The following PIGN variants were observed in gnomAD, a reference collection of about 807,000 sequenced individuals.
PIGN encodes phosphatidylinositol glycan anchor biosynthesis class N.
PIGN carries 117 observed loss-of-function variants against 125.4 expected under a neutral mutation model. The ratio of observed to expected loss-of-function variants is 0.93; its 90% confidence interval spans 0.80 to 1.09. The LOEUF (loss-of-function observed/expected upper bound fraction) is 1.09, where lower values mean the gene tolerates loss of function less well. PIGN is among the 50% of genes least tolerant of loss of function. PIGN has a pLI of 0.00. For missense variants in PIGN, 1,075 were observed against 1,094.9 expected, an observed-to-expected ratio of 0.98 and a Z score of 0.26; for synonymous variants, 392 against 377.8, an observed-to-expected ratio of 1.04 and a Z score of -0.44.
In PIGN at chr18:62,113,253, C is replaced by T. The variant is rs2146578564; in HGVS notation, c.1315G>A (p.Asp439Asn). 1.9e-6 allele frequency: 3 copies of T among 1,612,936 alleles called. 1 individual carries two copies. The highest frequency in any genetic ancestry group is 3.3e-4 in the Middle Eastern group (2 of 6,056). ...LKGLSYYHTYDRFFLGVNVVI... is the reference protein window; with the variant it reads ...LKGLSYYHTYNRFFLGVNVVI... ...ACATTGACGCCCAAAAAGAATCTGT[C>T]ATATGTGTGATAATAGGACAATCCT... The change falls in exon 16 of 31, where the codon GAC (aspartate) becomes AAC (asparagine). Residue 439 changes from aspartate (D) to asparagine (N), a missense_variant. Coordinates refer to ENST00000640252, the MANE Select transcript of PIGN (RefSeq NM_176787.5).
rs1232265836 is a variant in PIGN, at chr18:62,182,369, G to A, written c.-236+4475C>T. Among the ~76,000 whole-genome samples the A allele has an allele frequency of 2.0e-5, 3 of 152,188 alleles. No homozygotes were observed. The East Asian group carries it at 5.8e-4, about 29-fold the overall frequency. On this transcript the variant is annotated intron_variant, in intron 1 of 30. Coordinates refer to ENST00000640252, the MANE Select transcript of PIGN (RefSeq NM_176787.5). ...AAACCAAATTCATAACATTTCCCAT[G>A]AGCCTTGTCTACTACCTACTAAATC...
At chr18:62,104,960 T>A (rs1450591522) in intron 20 of PIGN, 1 of 152,152 alleles carries the variant, frequency 6.6e-6, no homozygotes, top group African/African-American at 2.4e-5. Context: ...TTTATTTAGG[T>A]CTATTGAAGA....
chr18:62,070,660 A>G (rs2032790547), intron 30 of PIGN, among the ~76,000 whole-genome samples: 1 of 152,238 alleles, frequency 6.6e-6, no homozygotes, highest in African/African-American at 2.4e-5. Flanking sequence ...ATGCATTTGG[A>G]GAAGAAAAGG....
intron 26 of PIGN, 49 bp downstream of exon 26, chr18:62,085,160 T>A (rs377425383): frequency 3.0e-6 from 3 of 1,008,328 alleles, no homozygotes; most frequent in Non-Finnish European, 3.0e-6. Context: ...AAGTCCCAGG[T>A]TGCATTATTT....
chr18:62,050,524 T>C (rs2145119834), intron 30 of PIGN, among the ~76,000 whole-genome samples: 1 of 151,382 alleles, frequency 6.6e-6, no homozygotes, highest in East Asian at 2.0e-4. Flanking sequence ...TGTATAAGAA[T>C]GCTTGTGATT....
intron 28 of PIGN, among the ~76,000 whole-genome samples, chr18:62,078,318 G>T (rs188073356): frequency 1.8e-4 from 28 of 152,322 alleles, no homozygotes; most frequent in Admixed American, 1.6e-3. Context: ...GAAGGAAAAT[G>T]ATTTTCCAGA....
downstream of PIGN, among the ~76,000 whole-genome samples, chr18:62,038,696 A>G (rs183188110): frequency 1.7e-3 from 257 of 152,228 alleles, no homozygotes; most frequent in Non-Finnish European, 2.8e-3. Flanking sequence ...ACTTTGGGAG[A>G]CCAAGGGGCA....
At chr18:62,108,728 T>A (rs1377395790) in intron 17 of PIGN, among the ~76,000 whole-genome samples, 2 of 152,054 alleles carry the variant, frequency 1.3e-5, no homozygotes, top group Non-Finnish European at 2.9e-5. Flanking sequence ...GTAGCTGGAA[T>A]TACAGGTGCA....
At chr18:62,071,880 A>ATATG (rs2032884422) in intron 30 of PIGN, among the ~76,000 whole-genome samples, 3 of 95,458 alleles carry the variant, frequency 3.1e-5, no homozygotes, top group African/African-American at 1.2e-4. Context: ...ATATATATAT[A>ATATG]TATATATATA....
intron 23 of PIGN, among the ~76,000 whole-genome samples, chr18:62,033,910 C>T (rs1490050028): frequency 6.6e-6 from 1 of 152,156 alleles, no homozygotes; most frequent in Non-Finnish European, 1.5e-5. Flanking sequence ...ATAAACATGT[C>T]ATGGGGCAGG....
intron 23 of PIGN, among the ~76,000 whole-genome samples, chr18:62,092,997 T>G (rs920225852): frequency 5.9e-5 from 9 of 152,062 alleles, no homozygotes; most frequent in Admixed American, 4.6e-4. Flanking sequence ...AATATAGTTC[T>G]TATTTTATAG....
chr18:62,154,467 G>GA (rs752093330), intron 7 of PIGN, 78 bp downstream of exon 7: 4 of 741,664 alleles, frequency 5.4e-6, no homozygotes, highest in Admixed American at 4.7e-5. Context: ...CATGAAAACA[G>GA]AAAAAACGTG....
Position 62,143,884 on chromosome 18 carries a change from T to C in PIGN, c.923-538A>G, listed in dbSNP as rs1366539235. ...CTTCAAAGATAGGCTCATTCTTCCA[T>C]TTTTCTACACATAAATTCAGAAATT... On this transcript the variant is annotated intron_variant, in intron 10 of 30. Coordinates refer to ENST00000640252, the MANE Select transcript of PIGN (RefSeq NM_176787.5). Among the ~76,000 whole-genome samples, 6 of 152,202 alleles carry C rather than the reference T, an allele frequency of 3.9e-5. No individual in the cohort carries two copies. In the East Asian group the frequency reaches 1.2e-3, roughly 29 times the overall value.
chr18:62,026,154 A>G (rs563660428), intron 23 of PIGN, among the ~76,000 whole-genome samples: 50 of 152,334 alleles, frequency 3.3e-4, no homozygotes, highest in South Asian at 2.1e-3. Context: ...AGTGGCACCC[A>G]TAAGAACTCA....
At chr18:62,155,049 G>T (rs186032990) in intron 6 of PIGN, among the ~76,000 whole-genome samples, 127 of 152,220 alleles carry the variant, frequency 8.3e-4, no homozygotes, top group Middle Eastern at 3.4e-3. Flanking sequence ...TAGATGATGT[G>T]TGTTGTACAA....
intron 23 of PIGN, among the ~76,000 whole-genome samples, chr18:62,023,860 T>C (rs2030083238): frequency 6.6e-6 from 1 of 152,216 alleles, no homozygotes; most frequent in Admixed American, 6.5e-5. Flanking sequence ...GCATCTCTTA[T>C]TTGCATAGTG....
intron 14 of PIGN, among the ~76,000 whole-genome samples, chr18:62,124,009 T>C (rs1017084561): frequency 1.3e-5 from 2 of 152,148 alleles, no homozygotes; most frequent in African/African-American, 2.4e-5. Flanking sequence ...CCCTAATGCA[T>C]GAAGCATCAT....
intron 16 of PIGN, among the ~76,000 whole-genome samples, chr18:62,111,387 A>G (rs746687307): frequency 1.2e-4 from 18 of 151,960 alleles, no homozygotes; most frequent in Admixed American, 3.9e-4. Flanking sequence ...TTAATTCTCA[A>G]CCTCTCCCTA....
chr18:62,082,295 T>C (rs533591592), intron 28 of PIGN, among the ~76,000 whole-genome samples: 26 of 152,270 alleles, frequency 1.7e-4, no homozygotes, highest in Admixed American at 3.3e-4. Flanking sequence ...CATATTTATA[T>C]AACATATTTA....
Sources: gnomAD v4.1 joint callset for allele counts (sites outside exome capture counted in the v4.1 genomes callset) on GRCh38, gnomAD v4.1.1 for gene constraint, MANE v1.5 for transcripts, NCBI Gene and HGNC (gene_info 2026-07-23, HGNC 2026-07-21) for gene names.